Variants in DLG2 observed in about 807,000 individuals in gnomAD.
The protein encoded by DLG2 is discs large MAGUK scaffold protein 2.
In DLG2, 45 loss-of-function variants were observed where a neutral mutation model predicts 132.5. The observed-to-expected ratio is 0.34, with a 90% CI of 0.27 to 0.44. The LOEUF is 0.44. Ranked by LOEUF, DLG2 falls within the 20% of genes least tolerant of loss-of-function variation. The pLI, the probability that DLG2 is intolerant of heterozygous loss-of-function variation, is 1.00. For synonymous variants in DLG2, 424 were observed against 419.6 expected, an observed-to-expected ratio of 1.01 and a Z score of -0.13; for missense variants, 1,045 against 1,196.9, an observed-to-expected ratio of 0.87 and a Z score of 1.87.
In DLG2 at chr11:84,733,203, G is replaced by A. The variant is rs1382716750; in HGVS notation, c.358-198472C>T. ...ATGGTATTTTTAGTTCTAGATCCCT[G>A]AGGAATCGACACACTGACTTCCACA... On this transcript the variant is annotated intron_variant, in intron 6 of 27. Coordinates refer to ENST00000376104, the MANE Select transcript of DLG2 (RefSeq NM_001142699.3). Among the ~76,000 whole-genome samples, 5 of 152,130 alleles carry A rather than the reference G, an allele frequency of 3.3e-5. No homozygotes were observed. The South Asian group carries it at 8.3e-4, about 25-fold the overall frequency.
chr11:85,171,336 G>A (rs570310996), intron 4 of DLG2, among the ~76,000 whole-genome samples: 1 of 152,290 alleles, frequency 6.6e-6, no homozygotes, highest in East Asian at 1.9e-4. Context: ...CCAGCCAAGG[G>A]AGGTGGTGAG....
chr11:83,680,184 T>G (rs528079064), intron 18 of DLG2, among the ~76,000 whole-genome samples: 1 of 152,210 alleles, frequency 6.6e-6, no homozygotes, highest in South Asian at 2.1e-4. Context: ...CACCACCAAA[T>G]GAGAAGAAAT....
At chr11:85,618,654 C>G (rs2081500246) in intron 2 of DLG2, among the ~76,000 whole-genome samples, 1 of 152,176 alleles carries the variant, frequency 6.6e-6, no homozygotes, top group Admixed American at 6.5e-5. Flanking sequence ...GTACTATGCT[C>G]AATACCTAGG....
At chr11:83,828,934 C>T (rs1427345949) in intron 17 of DLG2, among the ~76,000 whole-genome samples, 2 of 152,020 alleles carry the variant, frequency 1.3e-5, no homozygotes, top group African/African-American at 4.8e-5. Flanking sequence ...ACATAGTAAG[C>T]CATTAATAAC....
chr11:85,379,734 A>G (rs1171201417), intron 3 of DLG2, among the ~76,000 whole-genome samples: 1 of 152,228 alleles, frequency 6.6e-6, no homozygotes, highest in Non-Finnish European at 1.5e-5. Flanking sequence ...TGGCAATGAT[A>G]TTATAGAGAT....
At chr11:85,200,857 G>C (rs1435886396) in intron 4 of DLG2, among the ~76,000 whole-genome samples, 2 of 152,048 alleles carry the variant, frequency 1.3e-5, no homozygotes, top group South Asian at 4.2e-4. Flanking sequence ...ATACTTGCTA[G>C]GAATCACAGA....
intron 7 of DLG2, among the ~76,000 whole-genome samples, chr11:84,353,819 C>T (rs928749127): frequency 2.8e-4 from 43 of 152,078 alleles, no homozygotes; most frequent in African/African-American, 1.0e-3. Context: ...AGCATTTTCC[C>T]ACAACTTCAT....
At chr11:84,949,942 G>C (rs1352155355) in intron 6 of DLG2, among the ~76,000 whole-genome samples, 4 of 152,208 alleles carry the variant, frequency 2.6e-5, no homozygotes, top group African/African-American at 9.6e-5. Flanking sequence ...TTTATGTTTA[G>C]AGACTGCAGT....
chr11:84,766,236 T>C (rs925055914), intron 6 of DLG2, among the ~76,000 whole-genome samples: 2 of 152,024 alleles, frequency 1.3e-5, no homozygotes, highest in African/African-American at 4.8e-5. Flanking sequence ...ATAATTTCTA[T>C]GATATAGGAA....
At chr11:83,775,088 A>G (rs2094532455) in intron 18 of DLG2, among the ~76,000 whole-genome samples, 1 of 151,828 alleles carries the variant, frequency 6.6e-6, no homozygotes. Context: ...TCCAGGCCCT[A>G]CTCCAAGCCG....
intron 15 of DLG2, among the ~76,000 whole-genome samples, chr11:83,898,552 G>T (rs2072452043): frequency 6.6e-6 from 1 of 151,842 alleles, no homozygotes; most frequent in African/African-American, 2.4e-5. Flanking sequence ...TACATTAAAG[G>T]ACTGTTTTTT....
intron 6 of DLG2, among the ~76,000 whole-genome samples, chr11:84,554,401 A>G (rs901959002): frequency 6.6e-6 from 1 of 152,070 alleles, no homozygotes; most frequent in African/African-American, 2.4e-5. Context: ...AGGCAGTATT[A>G]TTTCTCTTGT....
At chr11:85,278,097 A>G (rs1416726583) in intron 4 of DLG2, among the ~76,000 whole-genome samples, 1 of 152,176 alleles carries the variant, frequency 6.6e-6, no homozygotes, top group Non-Finnish European at 1.5e-5. Context: ...CTAATCCTAA[A>G]TGTTCACTAT....
At chr11:84,512,151 C>A (rs895267270) in intron 7 of DLG2, among the ~76,000 whole-genome samples, 1 of 152,092 alleles carries the variant, frequency 6.6e-6, no homozygotes, top group Non-Finnish European at 1.5e-5. Context: ...CATGGCATTT[C>A]CAAAAGCAAT....
chr11:84,899,079 G>A (rs548570820), intron 6 of DLG2, among the ~76,000 whole-genome samples: 131 of 151,932 alleles, frequency 8.6e-4, no homozygotes, highest in Non-Finnish European at 1.4e-3. Context: ...CTTCAATTCC[G>A]GCCAACAGAA....
chr11:83,867,988 A>C (rs1382240587), intron 16 of DLG2, among the ~76,000 whole-genome samples: 2 of 152,180 alleles, frequency 1.3e-5, no homozygotes, highest in Non-Finnish European at 2.9e-5. Context: ...CACCCTTTGA[A>C]ATGAGGCTAA....
intron 5 of DLG2, among the ~76,000 whole-genome samples, chr11:85,137,239 T>A (rs918297793): frequency 1.3e-5 from 2 of 152,106 alleles, no homozygotes; most frequent in African/African-American, 4.8e-5. Context: ...TATAAGCATG[T>A]TAATAATAAT....
chr11:84,131,808 C>T (rs769780682), intron 9 of DLG2, among the ~76,000 whole-genome samples: 2 of 151,956 alleles, frequency 1.3e-5, no homozygotes, highest in Non-Finnish European at 2.9e-5. Context: ...TTTTCCTGTA[C>T]AGAATGGTTT....
At chr11:85,530,730 T>A (rs2075147574) in intron 3 of DLG2, among the ~76,000 whole-genome samples, 1 of 152,248 alleles carries the variant, frequency 6.6e-6, no homozygotes. Flanking sequence ...GCTTTGGTTC[T>A]GCTTTGTTTT....
Sources: gnomAD v4.1 joint callset for allele counts (sites outside exome capture counted in the v4.1 genomes callset) on GRCh38, gnomAD v4.1.1 for gene constraint, MANE v1.5 for transcripts, NCBI Gene and HGNC (gene_info 2026-07-23, HGNC 2026-07-21) for gene names.